The following DTWD2 variants were observed in gnomAD, a reference collection of about 807,000 sequenced individuals.
DTWD2 encodes tRNA-uridine aminocarboxypropyltransferase 2.
DTWD2 carries 39 observed loss-of-function variants against 31.8 expected under a neutral mutation model. That is an observed-to-expected ratio of 1.22 (90% CI 0.95 to 1.60). The LOEUF is 1.60. Ranked by LOEUF, DTWD2 falls within the 40% of genes most tolerant of loss-of-function variation. DTWD2 has a pLI of 0.00. For synonymous variants in DTWD2, 180 were observed against 142.8 expected, an observed-to-expected ratio of 1.26 and a Z score of -1.86; for missense variants, 515 against 381.5, an observed-to-expected ratio of 1.35 and a Z score of -2.92.
chr5:118,893,577 A>C (rs965052808), intron 4 of DTWD2, among the ~76,000 whole-genome samples: 1 of 152,052 alleles, frequency 6.6e-6, no homozygotes, highest in Non-Finnish European at 1.5e-5. Context: ...ATTTTTGTAG[A>C]TGTGATCAAA....
intron 4 of DTWD2, among the ~76,000 whole-genome samples, chr5:118,863,290 T>C (rs913384233): frequency 4.6e-5 from 7 of 152,228 alleles, no homozygotes; most frequent in African/African-American, 1.7e-4. Context: ...GAATGCATAC[T>C]GTAAATCAAG....
rs528223490 is a variant in DTWD2 at position 118,953,804 on chromosome 5, C to G, written c.219-9155G>C. The stretch of plus-strand genomic sequence containing the variant: ...CATCTAAGGTTGCTCTACAATGCCA[C>G]AAATGCAAATTTGTGGCTCCTGGCC... On this transcript the variant is annotated intron_variant, in intron 1 of 5. Coordinates refer to ENST00000510708, the MANE Select transcript of DTWD2 (RefSeq NM_173666.4). 5.9e-5 allele frequency among the ~76,000 whole-genome samples: 9 copies of G among 152,308 alleles called. No homozygotes were observed. In the South Asian group the frequency reaches 1.0e-3, roughly 18 times the overall value.
At chr5:118,854,870 A>G (rs1312197325) in intron 4 of DTWD2, among the ~76,000 whole-genome samples, 3 of 152,134 alleles carry the variant, frequency 2.0e-5, no homozygotes, top group African/African-American at 4.8e-5. Context: ...GGTTTTAATA[A>G]CCATATAACT....
intron 1 of DTWD2, among the ~76,000 whole-genome samples, chr5:118,961,807 T>A (rs530958330): frequency 1.3e-5 from 2 of 152,290 alleles, no homozygotes; most frequent in African/African-American, 4.8e-5. Flanking sequence ...TCAATGTCCA[T>A]TTTCTCAAAA....
chr5:118,941,080 T>G (rs1428919920), intron 2 of DTWD2, among the ~76,000 whole-genome samples: 1 of 152,184 alleles, frequency 6.6e-6, no homozygotes, highest in East Asian at 1.9e-4. Flanking sequence ...CCACCAAGTC[T>G]TCTTTTCCCA....
intron 4 of DTWD2, among the ~76,000 whole-genome samples, chr5:118,900,058 C>G (rs956791254): frequency 1.8e-4 from 28 of 152,122 alleles, no homozygotes; most frequent in African/African-American, 6.0e-4. Flanking sequence ...CTGCCCACCT[C>G]GGCCTCCCAA....
At chr5:118,912,597 T>C (rs1333344136) in intron 4 of DTWD2, among the ~76,000 whole-genome samples, 1 of 152,228 alleles carries the variant, frequency 6.6e-6, no homozygotes, top group Non-Finnish European at 1.5e-5. Context: ...CTCAATTTTT[T>C]CATGGCTAAT....
chr5:118,839,136 T>A lies in DTWD2; in HGVS notation c.*1781A>T, dbSNP rs577175353. The A allele has an allele frequency of 6.6e-6, 1 of 151,924 alleles. No homozygotes were observed. Among genetic ancestry groups the A allele is most frequent in the Admixed American group, 6.5e-5 (1 of 15,284 alleles). The allele number at this position is 151,924 out of a possible 1,614,324, so 9.4% of individuals were successfully genotyped here. A position where few individuals can be genotyped will look rare whatever the true frequency, so the allele number is the denominator to read the frequency against. ...AAGATTGCGCCACTGCACTCCAGCC[T>A]GGGCGACAGAGCGAGATTCCATCTC... On this transcript the variant is annotated 3_prime_UTR_variant, in exon 6 of 6. Transcript: ENST00000510708.
At chr5:118,876,913 A>G (rs1011190189) in intron 4 of DTWD2, among the ~76,000 whole-genome samples, 2 of 152,362 alleles carry the variant, frequency 1.3e-5, no homozygotes, top group East Asian at 1.9e-4. Context: ...AACCTGGCAG[A>G]GACACAATAA....
chr5:118,923,666 T>C lies in DTWD2; in HGVS notation c.597+4871A>G, dbSNP rs541788035. The stretch of plus-strand genomic sequence containing the variant: ...TCCAAGTAAGCTTTCCTTTCTTTCC[T>C]GTTCTAAAGCCTTTTAAATAAACTT... On this transcript the variant is annotated intron_variant, in intron 4 of 5. Coordinates refer to ENST00000510708, the MANE Select transcript of DTWD2 (RefSeq NM_173666.4). Among the ~76,000 whole-genome samples, 4 of 152,338 alleles carry C rather than the reference T, an allele frequency of 2.6e-5. No individual in the cohort carries two copies. The South Asian group carries it at 8.3e-4, about 32-fold the overall frequency.
At chr5:118,923,931 G>A (rs1460426706) in intron 4 of DTWD2, among the ~76,000 whole-genome samples, 2 of 152,094 alleles carry the variant, frequency 1.3e-5, no homozygotes, top group South Asian at 2.1e-4. Flanking sequence ...TAAATGCTTC[G>A]GAAGGGCATA....
At chr5:118,913,334 C>T (rs1490725071) in intron 4 of DTWD2, among the ~76,000 whole-genome samples, 1 of 150,860 alleles carries the variant, frequency 6.6e-6, no homozygotes, top group Non-Finnish European at 1.5e-5. Context: ...CCTGGGTCTT[C>T]AGCCTATTGG....
At chr5:118,948,396 G>A (rs1034577940) in intron 1 of DTWD2, among the ~76,000 whole-genome samples, 3 of 152,160 alleles carry the variant, frequency 2.0e-5, no homozygotes, top group Non-Finnish European at 4.4e-5. Context: ...CCAGGGAATG[G>A]CATGAACCCG....
chr5:118,898,646 G>A (rs1304127981), intron 4 of DTWD2, among the ~76,000 whole-genome samples: 11 of 127,908 alleles, frequency 8.6e-5, no homozygotes, highest in African/African-American at 3.0e-4. Flanking sequence ...GCAACAAAGT[G>A]AGACTCCATC....
chr5:118,862,606 A>G (rs1580772807), intron 4 of DTWD2, among the ~76,000 whole-genome samples: 1 of 152,326 alleles, frequency 6.6e-6, no homozygotes, highest in East Asian at 1.9e-4. Context: ...GAAACACAAA[A>G]TACTATACAT....
intron 1 of DTWD2, among the ~76,000 whole-genome samples, chr5:118,971,157 G>A (rs113101907): frequency 0.016 from 2,434 of 152,256 alleles, 56 homozygotes; most frequent in African/African-American, 0.039. Flanking sequence ...AAGTGTAAAT[G>A]GCCTAAATGC....
chr5:118,854,543 T>C (rs1213992794), intron 4 of DTWD2, among the ~76,000 whole-genome samples: 5 of 151,962 alleles, frequency 3.3e-5, no homozygotes, highest in Admixed American at 6.6e-5. Flanking sequence ...AGAATAAACA[T>C]GTAATTTTTT....
chr5:118,841,148 AT>A, intron 5 of DTWD2, 61 bp from the exon 6 acceptor site: 1 of 1,530,600 alleles, frequency 6.5e-7, no homozygotes, highest in Non-Finnish European at 8.8e-7. Flanking sequence ...TTCTATCTAT[AT>A]TTTTCATTCA....
chr5:118,915,480 T>G (rs1258916609), intron 4 of DTWD2, among the ~76,000 whole-genome samples: 1 of 151,496 alleles, frequency 6.6e-6, no homozygotes, highest in African/African-American at 2.4e-5. Context: ...GTTCACGCCA[T>G]TCTCCTGCCT....
Sources: gnomAD v4.1 joint callset for allele counts (sites outside exome capture counted in the v4.1 genomes callset) on GRCh38, gnomAD v4.1.1 for gene constraint, MANE v1.5 for transcripts, NCBI Gene and HGNC (gene_info 2026-07-23, HGNC 2026-07-21) for gene names.